The following SPTBN2 variants were observed in gnomAD, a reference collection of about 807,000 sequenced individuals.
The protein encoded by SPTBN2 is spectrin beta, non-erythrocytic 2, also known as spectrin beta chain, non-erythrocytic 2.
A neutral mutation model predicts 284.2 loss-of-function variants in SPTBN2; 107 were observed. The observed-to-expected ratio is 0.38, with a 90% CI of 0.32 to 0.44. The LOEUF is 0.44. SPTBN2 is among the 20% of genes least tolerant of loss of function. The probability of loss-of-function intolerance (pLI) is 1.00; values close to 1 mark genes in which losing one functional copy is unlikely to be tolerated. For missense variants in SPTBN2, 2,569 were observed against 3,287.1 expected (o/e 0.78, Z 5.34); for synonymous variants, 1,289 against 1,354.8 (o/e 0.95, Z 1.07).
chr11:66,721,101 C>T lies in SPTBN2; in HGVS notation c.140G>A (p.Arg47His), dbSNP rs768391963. Reference sequence around the variant, plus strand: ...GACCTCACCTGCCAGAGCCTTAATGCGAGACCTCTCAAAGAGGCGGGCCGA... The same window carrying T: ...GACCTCACCTGCCAGAGCCTTAATGTGAGACCTCTCAAAGAGGCGGGCCGA... ...SSSARLFERS[R>H]IKALADEREA... The change falls in exon 3 of 38, where the codon CGC becomes CAC. Residue 47 changes from arginine to histidine, a missense_variant. Coordinates refer to ENST00000533211, the MANE Select transcript of SPTBN2 (RefSeq NM_006946.4). 1 of 1,614,196 alleles carries T rather than the reference C, an allele frequency of 6.2e-7. No homozygotes were observed. The highest frequency in any genetic ancestry group is 8.5e-7 in the Non-Finnish European group (1 of 1,180,026).
At chr11:66,713,581 A>C (rs768410387) in intron 8 of SPTBN2, 50 bp downstream of exon 8, 1 of 1,490,368 alleles carries the variant, frequency 6.7e-7, no homozygotes, top group Middle Eastern at 2.0e-4. Flanking sequence ...CCACTGGTCC[A>C]CCTCCTGTCT....
rs1942110961 is a variant in SPTBN2 at position 66,715,707 on chromosome 11, T to C, written c.309+123A>G. On this transcript the variant is annotated intron_variant, in intron 4 of 37. Coordinates refer to ENST00000533211, the MANE Select transcript of SPTBN2 (RefSeq NM_006946.4). This position sits in a 1 kb window ranked among gnomAD's most constrained non-coding sequence, Gnocchi z 5.3. ...AGGCACTTGAAATGAACCCATCCTC[T>C]GAGCAGAGGGAGCCACTGCTTCCCG... 4.4e-6 allele frequency: 6 copies of C among 1,362,612 alleles called. No homozygotes were observed. Among genetic ancestry groups the C allele is most frequent in the Non-Finnish European group, 3.0e-6 (3 of 983,796 alleles). 84.4% of individuals were successfully genotyped at this position (1,362,612 alleles called of 1,614,324 possible).
chr11:66,705,290 G>A lies in SPTBN2; in HGVS notation c.1986C>T (p.His662=), dbSNP rs760464063. The A allele has an allele frequency of 3.1e-6, 5 of 1,602,156 alleles. No individual in the cohort carries two copies. The highest frequency in any genetic ancestry group is 4.2e-6 in the Non-Finnish European group (5 of 1,178,142). The part of the protein sequence containing the change: ...EAEAWVREQQ[H]LLASADTGRD... ...GGCCCGTGTCGGCTGAGGCCAGGAGGTGCTGCTGCTCCCGCACCCAGGCCT... is the reference window on the plus strand; with the variant it reads ...GGCCCGTGTCGGCTGAGGCCAGGAGATGCTGCTGCTCCCGCACCCAGGCCT... The change falls in exon 15 of 38, where the codon CAC becomes CAT. Residue 662 remains histidine, a synonymous_variant. Transcript: ENST00000533211.
chr11:66,705,550 TC>T (rs1175641784), intron 14 of SPTBN2, 82 bp from the exon 15 acceptor site: 2 of 1,606,140 alleles, frequency 1.2e-6, no homozygotes, highest in Non-Finnish European at 1.7e-6. Flanking sequence ...TGGACTTCCC[TC>T]CCTGGCTTTA....
intron 22 of SPTBN2, 130 bp downstream of exon 22, chr11:66,694,009 A>G: frequency 2.3e-6 from 3 of 1,324,256 alleles, no homozygotes; most frequent in Non-Finnish European, 2.1e-6. Context: ...AAGTCTCCCT[A>G]TAGGGGAGAT....
intron 31 of SPTBN2, 44 bp downstream of exon 31, chr11:66,688,609 G>C: frequency 6.2e-7 from 1 of 1,610,520 alleles, no homozygotes; most frequent in Non-Finnish European, 8.5e-7. Context: ...GCACAGGTCA[G>C]GGGAGCAGGT....
At chr11:66,720,857 G>C (rs1423176830) in intron 3 of SPTBN2, among the ~76,000 whole-genome samples, 1 of 152,102 alleles carries the variant, frequency 6.6e-6, no homozygotes, top group Non-Finnish European at 1.5e-5. Flanking sequence ...GCCAGTCCAG[G>C]GGCCAGTGAA....
At chr11:66,694,116 C>T (rs768786770) in intron 22 of SPTBN2, 23 bp downstream of exon 22, 19 of 1,600,866 alleles carry the variant, frequency 1.2e-5, no homozygotes, top group East Asian at 4.5e-5. Context: ...GGCAGCTTGC[C>T]GTCCTTGGCC....
chr11:66,688,123 G>A (rs1156257832), intron 32 of SPTBN2, 44 bp from the exon 33 acceptor site: 2 of 1,613,458 alleles, frequency 1.2e-6, no homozygotes, highest in Non-Finnish European at 1.7e-6. Context: ...TCCCTGGGTG[G>A]CCTGGGCTCA....
chr11:66,710,762 T>G lies in SPTBN2; in HGVS notation c.893A>C (p.Asp298Ala), dbSNP rs1254296798. The change falls in exon 10 of 38, where the codon GAC becomes GCC. Residue 298 changes from aspartate (D) to alanine (A), a missense_variant. Around this residue, in one of 6 missense-constraint regions of SPTBN2, gnomAD observed 304 missense variants for 522.1 expected, o/e 0.58. Coordinates refer to ENST00000533211, the MANE Select transcript of SPTBN2 (RefSeq NM_006946.4). This position sits in a 1 kb window ranked among gnomAD's most constrained non-coding sequence, Gnocchi z 4.9. ...VEGKRIGKVL[D>A]HAMEAERLVE... Reference sequence around the variant, plus strand: ...CAGGCGCTCTGCCTCCATGGCATGGTCCAGCACCTGGGAGGCAGAAGACAG... The same window carrying G: ...CAGGCGCTCTGCCTCCATGGCATGGGCCAGCACCTGGGAGGCAGAAGACAG... The G allele has an allele frequency of 6.2e-7, 1 of 1,613,976 alleles. No individual in the cohort carries two copies. The highest frequency in any genetic ancestry group is 8.5e-7 in the Non-Finnish European group (1 of 1,180,026).
chr11:66,734,137 G>A (rs907564852), upstream of SPTBN2, among the ~76,000 whole-genome samples: 2 of 152,094 alleles, frequency 1.3e-5, no homozygotes, highest in Non-Finnish European at 2.9e-5. Context: ...CCATTCTCTT[G>A]GTTTTCCTTC....
rs1387087022 is a variant in SPTBN2, at chr11:66,706,993, C to A, written c.1653+523G>T. Among the ~76,000 whole-genome samples, 3 of 152,378 alleles carry A rather than the reference C, an allele frequency of 2.0e-5. No individual in the cohort carries two copies. In the East Asian group the frequency reaches 5.8e-4, roughly 29 times the overall value. On this transcript the variant is annotated intron_variant, in intron 13 of 37. Transcript: ENST00000533211. ...ATAAAATCCAAACTCCCTGACCAGG[C>A]CTGTAAGGCCCTAGTGGGCTGGCCG... is the stretch of plus-strand genomic sequence containing the variant.
Position 66,708,868 on chromosome 11 carries a change from C to A in SPTBN2, c.1191+34G>T, listed in dbSNP as rs575184305. The A allele has an allele frequency of 1.3e-6, 2 of 1,588,552 alleles. No individual in the cohort carries two copies. The highest frequency in any genetic ancestry group is 1.7e-6 in the Non-Finnish European group (2 of 1,157,364). On this transcript the variant is annotated intron_variant, in intron 11 of 37. Transcript: ENST00000533211. The surrounding 1 kb of genome is among the most constrained non-coding windows in gnomAD (Gnocchi z 4.4). ...GCAAGGCATCTGGGCCAGGGCCTGC[C>A]CTGAGGGTGGGTGGCCTGTGGGCAG...
At chr11:66,721,785 C>T (rs570019022) in intron 1 of SPTBN2, among the ~76,000 whole-genome samples, 1 of 152,266 alleles carries the variant, frequency 6.6e-6, no homozygotes, top group South Asian at 2.1e-4. Context: ...GTGGCTCACG[C>T]CTGTAATCAC....
chr11:66,692,769 G>T lies in SPTBN2; in HGVS notation c.4986-29C>A, dbSNP rs756535309. ...CAAGAAGAGTGAGGGAGGCACTGTG[G>T]GACTTAGGGGTGTAGCTCTGACCTC... On this transcript the variant is annotated intron_variant, in intron 25 of 37. Transcript: ENST00000533211. 3.8e-6 allele frequency: 6 copies of T among 1,599,772 alleles called. No homozygotes were observed. The Admixed American group carries it at 5.0e-5, about 13-fold the overall frequency.
At chr11:66,737,034 AG>A (rs748370473) in intron 1 of SPTBN2, among the ~76,000 whole-genome samples, 139 of 152,366 alleles carry the variant, frequency 9.1e-4, no homozygotes, top group Admixed American at 2.8e-3. Context: ...ATTTTACAGA[AG>A]GAAGTTGTGA....
chr11:66,691,846 ACTCC>A lies in SPTBN2; in HGVS notation c.5191-192_5191-189del, dbSNP rs111691419. ...TTCCCACTGACCCTGTATTTGACAG[ACTCC>A]CTCCACCCCCAGCAAAGGCGTTTCA... On this transcript the variant is annotated intron_variant, in intron 26 of 37. Coordinates refer to ENST00000533211, the MANE Select transcript of SPTBN2 (RefSeq NM_006946.4). This position sits in a 1 kb window ranked among gnomAD's most constrained non-coding sequence, Gnocchi z 8.0. Among the ~76,000 whole-genome samples the A allele has an allele frequency of 0.042, 6,298 of 151,266 alleles. 398 individuals are homozygous for A. The highest frequency in any genetic ancestry group is 0.14 in the East Asian group (717 of 5,120).
intron 8 of SPTBN2, 21 bp from the exon 9 acceptor site, chr11:66,711,050 G>T: frequency 6.2e-7 from 1 of 1,604,230 alleles, no homozygotes; most frequent in South Asian, 1.1e-5. Context: ...GGACCATTTG[G>T]GTCAGGCCTC....
At position 66,718,904 on chromosome 11, in the gene SPTBN2, GGCAGGGCCAGGCCCT is replaced by G. The variant is rs1230461851; in HGVS notation, c.157+2165_157+2179del. 6.6e-6 allele frequency among the ~76,000 whole-genome samples: 1 copy of G among 152,188 alleles called. No individual in the cohort carries two copies. Among genetic ancestry groups the G allele is most frequent in the Non-Finnish European group, 1.5e-5 (1 of 68,024 alleles). Reference sequence around the variant, plus strand: ...AGAGAGGCGGAGTGTGGCCGGCGGGGGCAGGGCCAGGCCCTGCGGGGCGGCGGAGGAGGGCACTGC... The same window carrying G: ...AGAGAGGCGGAGTGTGGCCGGCGGGGGCGGGGCGGCGGAGGAGGGCACTGC... On this transcript the variant is annotated intron_variant, in intron 3 of 37. Transcript: ENST00000533211. The surrounding 1 kb of genome is among the most constrained non-coding windows in gnomAD (Gnocchi z 4.8).
Sources: allele counts gnomAD v4.1 joint callset (sites outside exome capture counted in the v4.1 genomes callset), GRCh38; gene constraint gnomAD v4.1.1; regional missense constraint gnomAD v4.1.1; non-coding constraint Gnocchi (gnomAD v3.1); transcripts MANE v1.5; gene names NCBI Gene and HGNC (gene_info 2026-07-23, HGNC 2026-07-21).